RBFOX1: variants seen among roughly 807,000 people sequenced by gnomAD.
RBFOX1 encodes the protein RNA binding protein fox-1 homolog 1.
A neutral mutation model predicts 57.7 loss-of-function variants in RBFOX1; 8 were observed. The observed-to-expected ratio is 0.14, with a 90% confidence interval of 0.08 to 0.25. The LOEUF is 0.25. Ranked by LOEUF, RBFOX1 falls within the 10% of genes least tolerant of loss-of-function variation. RBFOX1 has a pLI of 1.00. For synonymous variants in RBFOX1, 326 were observed against 222.4 expected (o/e 1.47, Z -4.15); for missense variants, 611 against 548.5 (o/e 1.11, Z -1.14).
intron 9 of RBFOX1, among the ~76,000 whole-genome samples, chr16:7,601,898 C>G (rs1384082309): frequency 6.6e-6 from 1 of 152,054 alleles, no homozygotes; most frequent in Non-Finnish European, 1.5e-5. Context: ...TTCAGTGAAC[C>G]CAAACAAAAC....
chr16:5,641,828 A>G (rs1236255919), intron 3 of RBFOX1, among the ~76,000 whole-genome samples: 5 of 152,220 alleles, frequency 3.3e-5, no homozygotes, highest in African/African-American at 4.8e-5. Context: ...TTCTGTAGGA[A>G]TCAAGGAGCA....
intron 2 of RBFOX1, among the ~76,000 whole-genome samples, chr16:5,537,946 T>C (rs1311479700): frequency 6.6e-6 from 1 of 152,322 alleles, no homozygotes; most frequent in East Asian, 1.9e-4. Context: ...CCACAAGAGT[T>C]ACACATTTTT....
chr16:6,427,042 A>G lies in RBFOX1; in HGVS notation c.-64+109985A>G, dbSNP rs139486186. Among the ~76,000 whole-genome samples the G allele has an allele frequency of 2.9e-3, 440 of 152,310 alleles. 2 individuals are homozygous for G. The highest frequency in any genetic ancestry group is 0.01 in the African/African-American group (423 of 41,556). On this transcript the variant is annotated intron_variant, in intron 2 of 15. Transcript: ENST00000550418. ...ATGAACTCCTGTGTGTCTAGTTATT[A>G]TAGATTAGCCCTGCTGATATTATGA...
At chr16:5,610,875 A>C (rs1215739503) in intron 3 of RBFOX1, among the ~76,000 whole-genome samples, 2 of 151,982 alleles carry the variant, frequency 1.3e-5, no homozygotes, top group Non-Finnish European at 2.9e-5. Flanking sequence ...CTGTCAAAAG[A>C]TAAAAATAAA....
chr16:6,652,387 G>A (rs1041197148), intron 2 of RBFOX1, among the ~76,000 whole-genome samples: 3 of 152,038 alleles, frequency 2.0e-5, no homozygotes, highest in African/African-American at 7.2e-5. Context: ...GGTGGAGGTT[G>A]CAGTGAGCCA....
At chr16:5,836,559 C>T (rs1278694817) in intron 3 of RBFOX1, among the ~76,000 whole-genome samples, 1 of 152,224 alleles carries the variant, frequency 6.6e-6, no homozygotes, top group East Asian at 1.9e-4. Flanking sequence ...TCCCCAAGTC[C>T]TGCCAGTTCT....
chr16:5,317,159 T>C (rs1395272413), intron 1 of RBFOX1, among the ~76,000 whole-genome samples: 1 of 152,178 alleles, frequency 6.6e-6, no homozygotes, highest in Non-Finnish European at 1.5e-5. Flanking sequence ...TCAGCCTTTA[T>C]AAATGAGTGA....
chr16:5,855,625 C>G (rs964403401), intron 3 of RBFOX1, among the ~76,000 whole-genome samples: 1 of 152,040 alleles, frequency 6.6e-6, no homozygotes, highest in Non-Finnish European at 1.5e-5. Context: ...GTTACTGTTC[C>G]TTTGTACTGT....
rs1005958771 is a variant in RBFOX1, at chr16:7,094,692, G to T, written c.27+42594G>T. Reference sequence around the variant, plus strand: ...CTACTCCAATGTCTTGTTAGTGGTTGGGTGGTATGGCTAAGATGGCTGATG... The same window carrying T: ...CTACTCCAATGTCTTGTTAGTGGTTTGGTGGTATGGCTAAGATGGCTGATG... On this transcript the variant is annotated intron_variant, in intron 4 of 15. Transcript: ENST00000550418. 5.4e-5 allele frequency among the ~76,000 whole-genome samples: 8 copies of T among 148,832 alleles called. No individual in the cohort carries two copies. In the South Asian group the frequency reaches 1.5e-3, roughly 28 times the overall value.
At chr16:5,766,085 C>T (rs1258900435) in intron 3 of RBFOX1, among the ~76,000 whole-genome samples, 2 of 152,120 alleles carry the variant, frequency 1.3e-5, no homozygotes, top group East Asian at 3.9e-4. Context: ...TCTGTCCTCC[C>T]GACCAAGGAA....
chr16:6,554,840 C>T (rs74005281), intron 2 of RBFOX1, among the ~76,000 whole-genome samples: 14,527 of 151,924 alleles, frequency 0.096, 1,769 homozygotes, highest in African/African-American at 0.29. Context: ...ACAGACTCTC[C>T]CTCTCACTCT....
chr16:6,843,238 C>T (rs1271713580), intron 3 of RBFOX1, among the ~76,000 whole-genome samples: 2 of 152,122 alleles, frequency 1.3e-5, no homozygotes, highest in South Asian at 2.1e-4. Flanking sequence ...TTTCTGTGAA[C>T]CTTTTGCAAA....
At chr16:5,978,690 G>T (rs572452515) in intron 4 of RBFOX1, among the ~76,000 whole-genome samples, 1,621 of 140,836 alleles carry the variant, frequency 0.012, 20 homozygotes, top group African/African-American at 0.036. Flanking sequence ...TTTTTTTTTT[G>T]TTGTTGTTGT....
At chr16:5,301,456 A>G (rs539242309) in intron 1 of RBFOX1, among the ~76,000 whole-genome samples, 2 of 152,112 alleles carry the variant, frequency 1.3e-5, no homozygotes, top group African/African-American at 2.4e-5. Context: ...CATCTCTACT[A>G]AAAACACAAA....
chr16:6,866,607 TCTCG>T (rs1310529097), intron 3 of RBFOX1, among the ~76,000 whole-genome samples: 11 of 135,516 alleles, frequency 8.1e-5, no homozygotes, highest in Non-Finnish European at 1.5e-4. Flanking sequence ...AGTGGTGCGA[TCTCG>T]GCTCACTGCA....
At chr16:7,230,727 C>T (rs1244581433) in intron 4 of RBFOX1, among the ~76,000 whole-genome samples, 1 of 152,214 alleles carries the variant, frequency 6.6e-6, no homozygotes, top group African/African-American at 2.4e-5. Context: ...AAGGCCACTT[C>T]TGTCAACTTA....
At chr16:6,590,772 G>A (rs916490504) in intron 2 of RBFOX1, among the ~76,000 whole-genome samples, 1 of 152,156 alleles carries the variant, frequency 6.6e-6, no homozygotes, top group African/African-American at 2.4e-5. Context: ...GTTGGGATGG[G>A]TGTTTGATAA....
chr16:6,243,398 A>G (rs1463579739), intron 1 of RBFOX1, among the ~76,000 whole-genome samples: 1 of 152,204 alleles, frequency 6.6e-6, no homozygotes, highest in Non-Finnish European at 1.5e-5. Context: ...TGTTCTTCCA[A>G]TAATGCCTGT....
intron 2 of RBFOX1, among the ~76,000 whole-genome samples, chr16:6,513,042 AG>A (rs1390334427): frequency 1.1e-4 from 16 of 152,336 alleles, no homozygotes; most frequent in Middle Eastern, 6.8e-3. Flanking sequence ...AATACAAAAT[AG>A]CACATCAATC....
Sources: allele counts gnomAD v4.1 joint callset (sites outside exome capture counted in the v4.1 genomes callset), GRCh38; gene constraint gnomAD v4.1.1; transcripts MANE v1.5; gene names NCBI Gene and HGNC (gene_info 2026-07-23, HGNC 2026-07-21).